FGGY: variants seen among roughly 807,000 people sequenced by gnomAD.
FGGY encodes the protein FGGY carbohydrate kinase domain-containing protein.
In FGGY, 72 loss-of-function variants were observed where a neutral mutation model predicts 71.3. The ratio of observed to expected loss-of-function variants is 1.01; its 90% confidence interval spans 0.84 to 1.23. The LOEUF (loss-of-function observed/expected upper bound fraction) is 1.23. FGGY is among the 50% of genes most tolerant of loss of function. The pLI is 0.00. For synonymous variants in FGGY, 251 were observed against 250.3 expected (o/e 1.00, Z -0.02); for missense variants, 668 against 682.3 (o/e 0.98, Z 0.23).
At chr1:59,671,669 G>A (rs1572956240) in intron 13 of FGGY, among the ~76,000 whole-genome samples, 1 of 152,224 alleles carries the variant, frequency 6.6e-6, no homozygotes, top group African/African-American at 2.4e-5. Context: ...TGCTAATTTA[G>A]TGCTTTCTCT....
At chr1:59,513,900 A>G (rs1035898431) in intron 7 of FGGY, among the ~76,000 whole-genome samples, 1 of 152,236 alleles carries the variant, frequency 6.6e-6, no homozygotes, top group Non-Finnish European at 1.5e-5. Context: ...TCATCAATCT[A>G]TGGACATGTC....
In FGGY at chr1:59,512,357, A is replaced by G. The variant is rs112021965; in HGVS notation, c.717A>G (p.Thr239=). ...GAGCTTCTCTTGGAAATGGGCTCACACCAGAGGCAGCAAGAGACCTTGGCC... is the reference window on the plus strand; with the variant it reads ...GAGCTTCTCTTGGAAATGGGCTCACGCCAGAGGCAGCAAGAGACCTTGGCC... ...PPGASLGNGL[T]PEAARDLGLL... is the part of the protein sequence containing the mutation. Residue 239 remains threonine, a synonymous_variant, in exon 7 of 16, where the codon ACA becomes ACG. Coordinates refer to ENST00000303721, the MANE Select transcript of FGGY (RefSeq NM_018291.5). The G allele has an allele frequency of 6.2e-7, 1 of 1,613,696 alleles. No individual in the cohort carries two copies. The highest frequency in any genetic ancestry group is 8.5e-7 in the Non-Finnish European group (1 of 1,179,748).
In FGGY at chr1:59,682,540, C is replaced by T. The variant is rs117293207; in HGVS notation, c.1512+8407C>T. Among the ~76,000 whole-genome samples the T allele has an allele frequency of 1.9e-4, 29 of 152,308 alleles. No homozygotes were observed. The East Asian group carries it at 4.8e-3, about 25-fold the overall frequency. Reference sequence around the variant, plus strand: ...GGCCTGTAGAGGCGAGGGAAAAGTGCAGTTACTGGATGCCCAGAACAGAGG... The same window carrying T: ...GGCCTGTAGAGGCGAGGGAAAAGTGTAGTTACTGGATGCCCAGAACAGAGG... On this transcript the variant is annotated intron_variant, in intron 14 of 15. Coordinates refer to ENST00000303721, the MANE Select transcript of FGGY (RefSeq NM_018291.5).
intron 6 of FGGY, among the ~76,000 whole-genome samples, chr1:59,511,740 G>A (rs1381629487): frequency 3.3e-5 from 5 of 152,202 alleles, no homozygotes; most frequent in Non-Finnish European, 7.4e-5. Flanking sequence ...TGGCAGCCTT[G>A]TAAAATTTGC....
intron 5 of FGGY, among the ~76,000 whole-genome samples, chr1:59,380,444 C>T (rs2059272047): frequency 6.6e-6 from 1 of 151,580 alleles, no homozygotes; most frequent in Non-Finnish European, 1.5e-5. Context: ...TCTCCACATC[C>T]TCTCCGGCAC....
At chr1:59,634,437 G>C (rs950236148) in intron 10 of FGGY, among the ~76,000 whole-genome samples, 1 of 152,094 alleles carries the variant, frequency 6.6e-6, no homozygotes, top group Non-Finnish European at 1.5e-5. Context: ...TAAGGAACTA[G>C]AGACAGGCAA....
chr1:59,336,869 T>C (rs1402348900), intron 2 of FGGY, among the ~76,000 whole-genome samples: 1 of 152,068 alleles, frequency 6.6e-6, no homozygotes, highest in Non-Finnish European at 1.5e-5. Context: ...AATTTTTAGC[T>C]CTTCATAGCA....
intron 5 of FGGY, among the ~76,000 whole-genome samples, chr1:59,408,803 A>C (rs905665199): frequency 1.1e-4 from 16 of 152,148 alleles, no homozygotes; most frequent in African/African-American, 3.6e-4. Flanking sequence ...AGGCTTATGC[A>C]TGGGCTTTCA....
chr1:59,346,348 G>A lies in FGGY; in HGVS notation c.415G>A (p.Gly139Arg). The change falls in exon 4 of 16, where the codon GGG becomes AGG. Residue 139 changes from glycine (G) to arginine (R), a missense_variant. By Grantham distance (125) the Gly-to-Arg change is moderately radical. Transcript: ENST00000303721. ...TKHSVLQYVG[G>R]VMSVEMQAPK... Reference sequence around the variant, plus strand: ...GCACAGTGTCCTCCAGTACGTCGGGGGGGTGATGTCTGTGGAAATGCAGGC... The same window carrying A: ...GCACAGTGTCCTCCAGTACGTCGGGAGGGTGATGTCTGTGGAAATGCAGGC... The A allele has an allele frequency of 3.1e-6, 5 of 1,611,908 alleles. No individual in the cohort carries two copies. The highest frequency in any genetic ancestry group is 4.2e-6 in the Non-Finnish European group (5 of 1,179,664).
intron 14 of FGGY, among the ~76,000 whole-genome samples, chr1:59,689,284 G>T (rs1465243010): frequency 6.6e-6 from 1 of 152,176 alleles, no homozygotes; most frequent in Non-Finnish European, 1.5e-5. Flanking sequence ...GAAGCAGCAG[G>T]AAGAGGGATT....
At chr1:59,312,839 T>C (rs376522631) in intron 1 of FGGY, among the ~76,000 whole-genome samples, 2 of 152,340 alleles carry the variant, frequency 1.3e-5, no homozygotes, top group South Asian at 2.1e-4. Flanking sequence ...GTTTGGATTC[T>C]TGTGGCTGCC....
In FGGY at chr1:59,352,947, T is replaced by C. The variant is rs533614563; in HGVS notation, c.465+6549T>C. ...ATGGCAGTATGGTGGAAACTAGTCT[T>C]TCTTAGTTAGTTACTGTCTAATTAC... is the stretch of plus-strand genomic sequence containing the variant. On this transcript the variant is annotated intron_variant, in intron 4 of 15. Coordinates refer to ENST00000303721, the MANE Select transcript of FGGY (RefSeq NM_018291.5). Among the ~76,000 whole-genome samples, 12 of 152,364 alleles carry C rather than the reference T, an allele frequency of 7.9e-5. No homozygotes were observed. The South Asian group carries it at 2.5e-3, about 32-fold the overall frequency.
chr1:59,740,394 A>C (rs945098495), intron 14 of FGGY, among the ~76,000 whole-genome samples: 12 of 152,212 alleles, frequency 7.9e-5, no homozygotes, highest in Non-Finnish European at 1.5e-5. Context: ...CATTAGAAAG[A>C]CAACTGCCAT....
At chr1:59,555,637 T>C (rs148250951) in intron 8 of FGGY, among the ~76,000 whole-genome samples, 1 of 152,200 alleles carries the variant, frequency 6.6e-6, no homozygotes, top group Non-Finnish European at 1.5e-5. Flanking sequence ...TGCTGGACTT[T>C]AAGGAAATAG....
chr1:59,556,384 T>G (rs1257790872), intron 8 of FGGY, among the ~76,000 whole-genome samples: 1 of 152,126 alleles, frequency 6.6e-6, no homozygotes, highest in African/African-American at 2.4e-5. Context: ...GAGATGAGGC[T>G]GGCTTTCCCT....
chr1:59,471,032 C>G (rs1420318191), intron 6 of FGGY, among the ~76,000 whole-genome samples: 5 of 152,176 alleles, frequency 3.3e-5, no homozygotes, highest in African/African-American at 9.7e-5. Context: ...CCCATCACAC[C>G]ATTACCTCCC....
At chr1:59,726,689 A>C (rs1248406281) in intron 14 of FGGY, among the ~76,000 whole-genome samples, 1 of 152,118 alleles carries the variant, frequency 6.6e-6, no homozygotes, top group Non-Finnish European at 1.5e-5. Context: ...CATTTCATCT[A>C]AATTATTTTT....
chr1:59,482,058 C>T (rs1189152444), intron 6 of FGGY, among the ~76,000 whole-genome samples: 1 of 152,140 alleles, frequency 6.6e-6, no homozygotes, highest in Non-Finnish European at 1.5e-5. Context: ...CCCAGCTATG[C>T]AAGTACAGGA....
At chr1:59,616,635 A>T (rs1349859596) in intron 9 of FGGY, among the ~76,000 whole-genome samples, 1 of 152,184 alleles carries the variant, frequency 6.6e-6, no homozygotes, top group African/African-American at 2.4e-5. Context: ...GTATAATAAA[A>T]AAATAAATAA....
Sources: allele counts gnomAD v4.1 joint callset (sites outside exome capture counted in the v4.1 genomes callset), GRCh38; gene constraint gnomAD v4.1.1; transcripts MANE v1.5; gene names NCBI Gene and HGNC (gene_info 2026-07-23, HGNC 2026-07-21).